Variants in EYS observed in about 807,000 individuals in gnomAD.
EYS encodes protein eyes shut homolog.
EYS carries 250 observed loss-of-function variants against 282.1 expected under a neutral mutation model. The ratio of observed to expected loss-of-function variants is 0.89; its 90% CI spans 0.80 to 0.98. The LOEUF (loss-of-function observed/expected upper bound fraction) is 0.98. EYS is among the 50% of genes least tolerant of loss of function. The pLI is 0.00. For missense variants in EYS, 4,016 were observed against 3,709.0 expected (o/e 1.08, Z -2.15); for synonymous variants, 1,355 against 1,282.9 (o/e 1.06, Z -1.20).
At chr6:63,838,118 T>C (rs1271703705) in intron 36 of EYS, among the ~76,000 whole-genome samples, 1 of 152,174 alleles carries the variant, frequency 6.6e-6, no homozygotes, top group Non-Finnish European at 1.5e-5. Context: ...TTTCAAGTAA[T>C]GTTTACATCT....
intron 5 of EYS, among the ~76,000 whole-genome samples, chr6:65,432,393 C>G (rs990045064): frequency 1.3e-5 from 2 of 151,928 alleles, no homozygotes; most frequent in African/African-American, 4.8e-5. Context: ...ACACACAAAA[C>G]CTATGATTAT....
intron 30 of EYS, among the ~76,000 whole-genome samples, chr6:64,286,491 A>G (rs1432004746): frequency 6.6e-6 from 1 of 152,198 alleles, no homozygotes; most frequent in East Asian, 1.9e-4. Flanking sequence ...TTTATGTAGT[A>G]ATATTTAAAT....
chr6:64,374,081 C>T (rs1772483469), intron 29 of EYS, among the ~76,000 whole-genome samples: 2 of 151,632 alleles, frequency 1.3e-5, no homozygotes, highest in South Asian at 4.2e-4. Context: ...GCCTACGTGG[C>T]TACTAGTGGC....
chr6:65,138,777 C>A (rs1352127565), intron 12 of EYS, among the ~76,000 whole-genome samples: 3 of 152,014 alleles, frequency 2.0e-5, no homozygotes, highest in Non-Finnish European at 2.9e-5. Flanking sequence ...AATAACTGAC[C>A]TGCTCTAGCC....
At chr6:65,330,040 A>C in intron 11 of EYS, 2 of 984,542 alleles carry the variant, frequency 2.0e-6, no homozygotes, top group South Asian at 9.4e-5. Flanking sequence ...GAAAGCCAGA[A>C]GACACACTGC....
intron 41 of EYS, among the ~76,000 whole-genome samples, chr6:63,742,370 T>G (rs965015096): frequency 6.6e-6 from 1 of 152,230 alleles, no homozygotes; most frequent in Admixed American, 6.5e-5. Flanking sequence ...GGTCAGGCAC[T>G]GGTCTTAAGT....
In EYS at chr6:64,743,364, A is replaced by G. The variant is rs538336650; in HGVS notation, c.3443+70014T>C. Among the ~76,000 whole-genome samples, 3 of 152,256 alleles carry G rather than the reference A, an allele frequency of 2.0e-5. No individual in the cohort carries two copies. In the East Asian group the frequency reaches 5.8e-4, roughly 29 times the overall value. On this transcript the variant is annotated intron_variant, in intron 22 of 42. Transcript: ENST00000503581. ...GCCTTTTAATTTCACATCTGGCCAA[A>G]CCACATAATTGCTACAATTATGTAA...
intron 26 of EYS, among the ~76,000 whole-genome samples, chr6:64,557,969 T>C (rs146210289): frequency 1.4e-4 from 22 of 152,184 alleles, no homozygotes; most frequent in African/African-American, 4.1e-4. Flanking sequence ...GCACTGCTCA[T>C]ATAGGCACCA....
chr6:63,796,933 G>A (rs1371405097), intron 37 of EYS, among the ~76,000 whole-genome samples: 1 of 152,170 alleles, frequency 6.6e-6, no homozygotes, highest in African/African-American at 2.4e-5. Flanking sequence ...GAGCCACAAC[G>A]ATGGTGCTGT....
chr6:64,895,156 G>A (rs528889038), intron 18 of EYS, among the ~76,000 whole-genome samples: 1 of 152,168 alleles, frequency 6.6e-6, no homozygotes, highest in African/African-American at 2.4e-5. Context: ...AAGCTAGAAA[G>A]GGCACAGAAA....
intron 35 of EYS, among the ~76,000 whole-genome samples, chr6:63,882,161 C>T (rs1310163852): frequency 2.6e-5 from 4 of 152,180 alleles, no homozygotes; most frequent in African/African-American, 9.7e-5. Context: ...GTTCAGGAGT[C>T]ATTTATTACC....
intron 31 of EYS, among the ~76,000 whole-genome samples, chr6:64,125,911 CTCT>C (rs1449104930): frequency 6.7e-4 from 97 of 143,748 alleles, no homozygotes; most frequent in African/African-American, 1.4e-3. Flanking sequence ...TTGCACTATT[CTCT>C]TCTTTTTTTT....
At chr6:64,108,176 G>T (rs1394360108) in intron 31 of EYS, among the ~76,000 whole-genome samples, 2 of 152,222 alleles carry the variant, frequency 1.3e-5, no homozygotes, top group Middle Eastern at 3.4e-3. Context: ...ACTCAAAAAA[G>T]TGTGAGGACC....
At chr6:64,565,894 C>G (rs1013851472) in intron 26 of EYS, among the ~76,000 whole-genome samples, 30 of 146,294 alleles carry the variant, frequency 2.1e-4, no homozygotes, top group Non-Finnish European at 4.1e-4. Context: ...AGATACAATA[C>G]AATTCTTTAA....
intron 1 of EYS, among the ~76,000 whole-genome samples, chr6:65,642,276 C>T (rs1362775425): frequency 6.6e-6 from 1 of 151,944 alleles, no homozygotes; most frequent in Non-Finnish European, 1.5e-5. Context: ...ATGTACCTGG[C>T]TACCTTTGAT....
chr6:64,206,707 G>A (rs1284703651), intron 31 of EYS, among the ~76,000 whole-genome samples: 1 of 152,118 alleles, frequency 6.6e-6, no homozygotes, highest in African/African-American at 2.4e-5. Flanking sequence ...AGGCTTAACC[G>A]TCTTACACTA....
chr6:64,443,188 T>A (rs546226596), intron 26 of EYS, among the ~76,000 whole-genome samples: 28 of 152,340 alleles, frequency 1.8e-4, no homozygotes, highest in African/African-American at 6.7e-4. Context: ...GAGATCATTT[T>A]GGAGCTTTAA....
At chr6:63,805,779 A>C (rs2008452) in intron 37 of EYS, among the ~76,000 whole-genome samples, 21,630 of 152,040 alleles carry the variant, frequency 0.14, 1,744 homozygotes, top group African/African-American at 0.22. Context: ...TTATAAGGAG[A>C]AATTCTCCCC....
At chr6:63,831,393 C>CA (rs541200763) in intron 36 of EYS, among the ~76,000 whole-genome samples, 363 of 151,204 alleles carry the variant, frequency 2.4e-3, no homozygotes, top group East Asian at 0.011. Flanking sequence ...AAATGGAAAA[C>CA]AAAAAAAAGC....
Sources: gnomAD v4.1 joint callset for allele counts (sites outside exome capture counted in the v4.1 genomes callset) on GRCh38, gnomAD v4.1.1 for gene constraint, MANE v1.5 for transcripts, NCBI Gene and HGNC (gene_info 2026-07-23, HGNC 2026-07-21) for gene names.